GSDME: variants seen among roughly 807,000 people sequenced by gnomAD.
GSDME encodes gasdermin E, also known as gasdermin-E.
Under a neutral mutation model 47.5 loss-of-function variants are expected in GSDME, and 44 were observed. The observed-to-expected ratio is 0.93, with a 90% CI of 0.73 to 1.19. GSDME has a LOEUF of 1.19. Ranked by LOEUF, GSDME falls within the 50% of genes most tolerant of loss-of-function variation. GSDME has a pLI of 0.00. For missense variants in GSDME, 663 were observed against 604.2 expected (o/e 1.10, Z -1.02); for synonymous variants, 258 against 252.8 (o/e 1.02, Z -0.20).
chr7:24,707,373 C>A (rs1168138018), intron 7 of GSDME: 2 of 471,462 alleles, frequency 4.2e-6, no homozygotes, highest in Admixed American at 2.3e-5. Context: ...GTGGCTCTCA[C>A]CATTTGTACA....
intron 9 of GSDME, among the ~76,000 whole-genome samples, chr7:24,701,199 C>T (rs1000889027): frequency 5.9e-5 from 9 of 152,186 alleles, no homozygotes; most frequent in Admixed American, 1.3e-4. Context: ...AGGCAGACAC[C>T]TCGATGTCTT....
At chr7:24,713,448 G>C (rs1012763878) in intron 5 of GSDME, among the ~76,000 whole-genome samples, 3 of 152,172 alleles carry the variant, frequency 2.0e-5, no homozygotes, top group African/African-American at 7.2e-5. Flanking sequence ...AATATCTTAG[G>C]ACTGCATGTC....
chr7:24,769,772 C>T, the GSDME span, among the ~76,000 whole-genome samples: 1 of 152,166 alleles, frequency 6.6e-6, no homozygotes, highest in African/African-American at 2.4e-5. Context: ...AAAACACACG[C>T]ATGCAATCTG....
intron 1 of GSDME, among the ~76,000 whole-genome samples, chr7:24,752,668 G>T (rs1393056136): frequency 2.6e-5 from 4 of 152,174 alleles, no homozygotes; most frequent in African/African-American, 9.7e-5. Context: ...GCCAAACATG[G>T]GACTGGGTCT....
chr7:24,713,239 T>G (rs776371021), intron 5 of GSDME, among the ~76,000 whole-genome samples: 89 of 152,154 alleles, frequency 5.8e-4, no homozygotes, highest in Non-Finnish European at 1.1e-3. Flanking sequence ...CACCTCTCTG[T>G]GTCCTGTGTC....
In GSDME at chr7:24,714,644, A is replaced by G. The variant is rs1431147157; in HGVS notation, c.697+2610T>C. Among the ~76,000 whole-genome samples the G allele has an allele frequency of 2.0e-5, 3 of 152,200 alleles. No homozygotes were observed. Among genetic ancestry groups the G allele is most frequent in the African/African-American group, 7.2e-5 (3 of 41,448 alleles). On this transcript the variant is annotated intron_variant, in intron 5 of 9. Coordinates refer to ENST00000645220, the MANE Select transcript of GSDME (RefSeq NM_001127453.2). This position sits in a 1 kb window ranked among gnomAD's most constrained non-coding sequence, Gnocchi z 5.0. The stretch of plus-strand genomic sequence containing the variant: ...TATTTTCAAAGACAGTGGAAGCTGG[A>G]AAAGATAAAAGCCTTGAAATTGAAA...
intron 5 of GSDME, chr7:24,715,636 G>T (rs926774813): frequency 6.1e-6 from 2 of 326,728 alleles, no homozygotes; most frequent in African/African-American, 4.5e-5. Context: ...GAGACTAGAA[G>T]AACAATTTGA....
At position 24,705,304 on chromosome 7, in the gene GSDME, A is replaced by G. The variant is rs775030753; in HGVS notation, c.1183+880T>C. 4 of 152,180 alleles carry G rather than the reference A, an allele frequency of 2.6e-5. No individual in the cohort carries two copies. Among genetic ancestry groups the G allele is most frequent in the Admixed American group, 6.5e-5 (1 of 15,280 alleles). The allele number at this position is 152,180 out of a possible 1,614,324, so 9.4% of individuals were successfully genotyped here. ...CAGTTTACCAGTCAAAACTATATTT[A>G]TCCATGAGTTGGAACAAGACAGAGC... is the stretch of plus-strand genomic sequence containing the variant. On this transcript the variant is annotated intron_variant, in intron 8 of 9. Transcript: ENST00000645220. This position sits in a 1 kb window ranked among gnomAD's most constrained non-coding sequence, Gnocchi z 4.1.
chr7:24,746,979 ACAGAATC>A (rs1300519308), intron 2 of GSDME, among the ~76,000 whole-genome samples: 1 of 152,244 alleles, frequency 6.6e-6, no homozygotes, highest in African/African-American at 2.4e-5. Context: ...CCAACAGGAC[ACAGAATC>A]CAGGATGAGC....
rs77957623 is a variant in GSDME at position 24,709,975 on chromosome 7, G to A, written c.862+249C>T. Among the ~76,000 whole-genome samples, 2,461 of 152,232 alleles carry A rather than the reference G, an allele frequency of 0.016. 77 individuals carry two copies. Among genetic ancestry groups the A allele is most frequent in the African/African-American group, 0.057 (2,355 of 41,516 alleles). On this transcript the variant is annotated intron_variant, in intron 6 of 9. Coordinates refer to ENST00000645220, the MANE Select transcript of GSDME (RefSeq NM_001127453.2). ...CTGACTGCCTCACTCTTCAGTCTCCGACCCCTACCCCATGGAGCGTCATTC... is the reference window on the plus strand; with the variant it reads ...CTGACTGCCTCACTCTTCAGTCTCCAACCCCTACCCCATGGAGCGTCATTC...
chr7:24,766,765 C>T, the GSDME span, among the ~76,000 whole-genome samples: 1 of 152,166 alleles, frequency 6.6e-6, no homozygotes, highest in Non-Finnish European at 1.5e-5. The surrounding 1 kb of genome is among the most constrained non-coding windows in gnomAD (Gnocchi z 4.2). Context: ...AGTAAACATA[C>T]GTGTGCATGT....
rs1233598118 is a variant in GSDME, at chr7:24,742,764, C to A, written c.404+1798G>T. Among the ~76,000 whole-genome samples, 1 of 152,176 alleles carries A rather than the reference C, an allele frequency of 6.6e-6. No homozygotes were observed. Among genetic ancestry groups the A allele is most frequent in the Non-Finnish European group, 1.5e-5 (1 of 68,032 alleles). On this transcript the variant is annotated intron_variant, in intron 3 of 9. Transcript: ENST00000645220. This position sits in a 1 kb window ranked among gnomAD's most constrained non-coding sequence, Gnocchi z 4.4. ...CTGGACACCCCCCGCCTCCCTTTTCCCCTTCCCCAGTGCCACCAGATTTAG... is the reference window on the plus strand; with the variant it reads ...CTGGACACCCCCCGCCTCCCTTTTCACCTTCCCCAGTGCCACCAGATTTAG...
chr7:24,736,936 A>C lies in GSDME; in HGVS notation c.404+7626T>G, dbSNP rs950355305. 6.6e-6 allele frequency among the ~76,000 whole-genome samples: 1 copy of C among 152,214 alleles called. No homozygotes were observed. Among genetic ancestry groups the C allele is most frequent in the Non-Finnish European group, 1.5e-5 (1 of 68,032 alleles). ...TGACCAGTGAGTCAATGACGACACT[A>C]AGAAAAATTGAAATTTTATTGAAAC... is the stretch of plus-strand genomic sequence containing the variant. On this transcript the variant is annotated intron_variant, in intron 3 of 9. Coordinates refer to ENST00000645220, the MANE Select transcript of GSDME (RefSeq NM_001127453.2). The surrounding 1 kb of genome is among the most constrained non-coding windows in gnomAD (Gnocchi z 4.6).
upstream of GSDME, among the ~76,000 whole-genome samples, chr7:24,762,691 A>G (rs1791185398): frequency 6.6e-6 from 1 of 152,184 alleles, no homozygotes; most frequent in African/African-American, 2.4e-5. Context: ...CAGATAAACA[A>G]TAAGGATAGA....
chr7:24,771,938 A>G, the GSDME span, among the ~76,000 whole-genome samples: 7 of 152,180 alleles, frequency 4.6e-5, no homozygotes, highest in South Asian at 1.2e-3. The surrounding 1 kb of genome is among the most constrained non-coding windows in gnomAD (Gnocchi z 4.1). Context: ...CCTGGCTATT[A>G]TCATCCCATT....
chr7:24,740,674 G>GTA (rs1225268972), intron 3 of GSDME, among the ~76,000 whole-genome samples: 1 of 151,540 alleles, frequency 6.6e-6, no homozygotes, highest in Non-Finnish European at 1.5e-5. Flanking sequence ...GTAAATATAT[G>GTA]TATATATATA....
chr7:24,749,537 T>G (rs770710188), intron 2 of GSDME, 27 bp downstream of exon 2: 1 of 1,511,980 alleles, frequency 6.6e-7, no homozygotes, highest in Non-Finnish European at 9.2e-7. Flanking sequence ...CCGAGACTAA[T>G]TATAGAATAT....
chr7:24,707,220 T>A (rs1272203189), intron 7 of GSDME: 2 of 441,118 alleles, frequency 4.5e-6, no homozygotes, highest in Non-Finnish European at 9.3e-6. Flanking sequence ...AAGCACTAAA[T>A]CAGTTATTCA....
chr7:24,706,270 C>T lies in GSDME; in HGVS notation c.1097G>A (p.Ser366Asn). The change falls in exon 8 of 10, where the codon AGC (serine) becomes AAC (asparagine). Residue 366 changes from serine to asparagine, a missense_variant. Coordinates refer to ENST00000645220, the MANE Select transcript of GSDME (RefSeq NM_001127453.2). ...GGGGCCCGGACACCCACCCTGTAAG[C>T]TGCACCCCACCAGCTGCAGGAAGGC... ...LVAFLQLVGC[S>N]LQGGCPGPED... is the part of the protein sequence containing the mutation. The T allele has an allele frequency of 6.2e-7, 1 of 1,614,206 alleles. No homozygotes were observed.
Sources: gnomAD v4.1 joint callset for allele counts (sites outside exome capture counted in the v4.1 genomes callset) on GRCh38, gnomAD v4.1.1 for gene constraint, Gnocchi (gnomAD v3.1) non-coding constraint, MANE v1.5 for transcripts, NCBI Gene and HGNC (gene_info 2026-07-23, HGNC 2026-07-21) for gene names.